XKR9: variants seen among roughly 807,000 people sequenced by gnomAD.
The protein encoded by XKR9 is XK-related protein 9.
Under a neutral mutation model 32.0 loss-of-function variants are expected in XKR9, and 32 were observed. That is an observed-to-expected ratio of 1.00 (90% CI 0.76 to 1.34). The LOEUF (loss-of-function observed/expected upper bound fraction) is 1.34. Among genes scored for constraint, XKR9 ranks in the 40% most tolerant of loss-of-function variants. XKR9 has a pLI of 0.00. For synonymous variants in XKR9, 168 were observed against 143.4 expected (o/e 1.17, Z -1.22); for missense variants, 546 against 429.7 (o/e 1.27, Z -2.39).
intron 4 of XKR9, among the ~76,000 whole-genome samples, chr8:70,728,350 A>G (rs965686205): frequency 3.3e-5 from 5 of 152,234 alleles, no homozygotes; most frequent in African/African-American, 1.2e-4. Context: ...TAGTGGGGGT[A>G]GGTGCTGACC....
At chr8:70,678,947 A>G (rs1439271511) in intron 2 of XKR9, among the ~76,000 whole-genome samples, 3 of 152,232 alleles carry the variant, frequency 2.0e-5, no homozygotes, top group East Asian at 1.9e-4. Context: ...TCTGGCTGCC[A>G]TAGCAGAATA....
the XKR9 span, among the ~76,000 whole-genome samples, chr8:70,796,173 A>G: frequency 2.0e-5 from 3 of 152,038 alleles, no homozygotes; most frequent in African/African-American, 7.2e-5. Flanking sequence ...GGTAATAAGC[A>G]TAGTACAAGA....
Position 70,734,655 on chromosome 8 carries a change from G to A in XKR9, c.*231G>A. On this transcript the variant is annotated 3_prime_UTR_variant, in exon 5 of 5. Coordinates refer to ENST00000408926, the MANE Select transcript of XKR9 (RefSeq NM_001011720.2). ...TACTGCCTGGTAGAGCTGCCATCTT[G>A]AGCCTGAAATATAAGAAATGGTCTG... is the stretch of plus-strand genomic sequence containing the variant. 2.8e-6 allele frequency: 1 copy of A among 355,444 alleles called. No homozygotes were observed. Among genetic ancestry groups the A allele is most frequent in the Non-Finnish European group, 4.5e-6 (1 of 222,580 alleles). The allele number at this position is 355,444 out of a possible 1,614,324, so 22.0% of individuals were successfully genotyped here. A position where few individuals can be genotyped will look rare whatever the true frequency, so the allele number is the denominator to read the frequency against.
chr8:70,727,400 G>A (rs1307005590), intron 4 of XKR9, among the ~76,000 whole-genome samples: 2 of 150,710 alleles, frequency 1.3e-5, no homozygotes, highest in African/African-American at 4.9e-5. Flanking sequence ...TTGGGGATCA[G>A]AGTTTTTTTG....
intron 4 of XKR9, among the ~76,000 whole-genome samples, chr8:70,720,838 C>T (rs1027994197): frequency 3.3e-5 from 5 of 152,142 alleles, no homozygotes; most frequent in Non-Finnish European, 5.9e-5. Context: ...GGAGGAGTCC[C>T]TCTTTTCTAT....
the XKR9 span, among the ~76,000 whole-genome samples, chr8:71,031,534 G>A: frequency 6.6e-6 from 1 of 152,152 alleles, no homozygotes; most frequent in Non-Finnish European, 1.5e-5. Flanking sequence ...TCATAAGACT[G>A]TTATGAGAAC....
the XKR9 span, among the ~76,000 whole-genome samples, chr8:70,932,109 G>C: frequency 6.6e-6 from 1 of 152,032 alleles, no homozygotes; most frequent in Non-Finnish European, 1.5e-5. Context: ...GTTAAGCATA[G>C]AAGTAGACAT....
the XKR9 span, among the ~76,000 whole-genome samples, chr8:70,882,409 T>G: frequency 6.6e-6 from 1 of 151,770 alleles, no homozygotes; most frequent in Admixed American, 6.6e-5. Flanking sequence ...TAGTTAAGAA[T>G]TTTTCAAATG....
chr8:70,702,613 A>C (rs1433145477), intron 3 of XKR9, among the ~76,000 whole-genome samples: 1 of 152,170 alleles, frequency 6.6e-6, no homozygotes. Flanking sequence ...CATTAGGTGC[A>C]TACAGATTTT....
chr8:71,002,303 A>G, the XKR9 span, among the ~76,000 whole-genome samples: 4 of 151,204 alleles, frequency 2.6e-5, no homozygotes, highest in African/African-American at 9.7e-5. Flanking sequence ...CATATGTGGT[A>G]AGAGTTTTGT....
At chr8:70,714,474 TTATAA>T (rs536138716) in intron 4 of XKR9, among the ~76,000 whole-genome samples, 1 of 152,048 alleles carries the variant, frequency 6.6e-6, no homozygotes, top group Non-Finnish European at 1.5e-5. Context: ...TTTGATGATT[TTATAA>T]TATAATTTTC....
the XKR9 span, among the ~76,000 whole-genome samples, chr8:70,816,049 G>A: frequency 1.3e-5 from 2 of 152,074 alleles, no homozygotes; most frequent in Non-Finnish European, 1.5e-5. Flanking sequence ...CTACCCGGGA[G>A]GCAGAGGTTG....
the XKR9 span, among the ~76,000 whole-genome samples, chr8:70,811,179 C>T: frequency 6.6e-6 from 1 of 152,118 alleles, no homozygotes; most frequent in Non-Finnish European, 1.5e-5. Context: ...ACAACCTGCT[C>T]CTGAATGACT....
At chr8:71,004,471 C>T in the XKR9 span, among the ~76,000 whole-genome samples, 2 of 152,076 alleles carry the variant, frequency 1.3e-5, no homozygotes, top group African/African-American at 4.8e-5. Context: ...GTAAGATGGG[C>T]CAAATGAAGA....
At chr8:70,758,387 C>G (rs930261675) in intron 2 of XKR9, among the ~76,000 whole-genome samples, 2 of 152,144 alleles carry the variant, frequency 1.3e-5, no homozygotes, top group East Asian at 1.9e-4. Flanking sequence ...TTTCTGTACA[C>G]TAGTCCCATC....
the XKR9 span, among the ~76,000 whole-genome samples, chr8:70,979,885 C>T: frequency 1.1e-4 from 16 of 152,234 alleles, no homozygotes; most frequent in East Asian, 5.8e-4. Context: ...CAAAGGCAGG[C>T]GGGCCTCCTT....
At chr8:70,879,272 C>G in the XKR9 span, among the ~76,000 whole-genome samples, 5 of 151,928 alleles carry the variant, frequency 3.3e-5, no homozygotes, top group African/African-American at 1.2e-4. Flanking sequence ...CAAACAAACT[C>G]AAAAGCTAGC....
chr8:70,868,855 A>G, the XKR9 span, among the ~76,000 whole-genome samples: 2 of 152,160 alleles, frequency 1.3e-5, no homozygotes, highest in Non-Finnish European at 2.9e-5. Flanking sequence ...GAATGCCTTT[A>G]ATAGCACCCA....
Position 70,743,413 on chromosome 8 carries a change from G to A in XKR9, n.352+36260G>A, listed in dbSNP as rs537944921. Among the ~76,000 whole-genome samples the A allele has an allele frequency of 3.3e-5, 5 of 152,172 alleles. No individual in the cohort carries two copies. In the South Asian group the frequency reaches 8.3e-4, roughly 25 times the overall value. Reference sequence around the variant, plus strand: ...GTCTCCATTCATTGCCTTTTCTCTTGAGTATGGGTTACATTTTCACGTTTG... The same window carrying A: ...GTCTCCATTCATTGCCTTTTCTCTTAAGTATGGGTTACATTTTCACGTTTG... On this transcript the variant is annotated intron_variant and non_coding_transcript_variant, in intron 2 of 3. Transcript: ENST00000520273.
Sources: allele counts gnomAD v4.1 joint callset (sites outside exome capture counted in the v4.1 genomes callset), GRCh38; gene constraint gnomAD v4.1.1; transcripts MANE v1.5; gene names NCBI Gene and HGNC (gene_info 2026-07-23, HGNC 2026-07-21).